NAV2: variants seen among roughly 807,000 people sequenced by gnomAD.
The protein encoded by NAV2 is helicase, APC down-regulated 1.
NAV2 carries 54 observed loss-of-function variants against 223.2 expected under a neutral mutation model. That is an observed-to-expected ratio of 0.24 (90% CI 0.19 to 0.30). NAV2 has a LOEUF of 0.30. Ranked by LOEUF, NAV2 falls within the 10% of genes least tolerant of loss-of-function variation. The probability of loss-of-function intolerance (pLI) is 1.00; values close to 1 mark genes in which losing one functional copy is unlikely to be tolerated. For missense variants in NAV2, 2,806 were observed against 3,147.5 expected (o/e 0.89, Z 2.60); for synonymous variants, 1,279 against 1,239.3 (o/e 1.03, Z -0.67).
intron 5 of NAV2, among the ~76,000 whole-genome samples, chr11:19,884,905 C>T (rs779362367): frequency 6.6e-6 from 1 of 152,110 alleles, no homozygotes; most frequent in East Asian, 1.9e-4. Flanking sequence ...AGCTATGTCT[C>T]GTCTTTGTTT....
At chr11:19,647,741 C>T (rs2047857811) in intron 1 of NAV2, among the ~76,000 whole-genome samples, 1 of 152,070 alleles carries the variant, frequency 6.6e-6, no homozygotes, top group Non-Finnish European at 1.5e-5. Context: ...GGCTTCTGAC[C>T]CACACTTTTG....
chr11:20,044,768 G>A (rs1212142505), intron 13 of NAV2, among the ~76,000 whole-genome samples, 200 bp from the exon 14 acceptor site: 2 of 152,116 alleles, frequency 1.3e-5, no homozygotes, highest in African/African-American at 4.8e-5. Context: ...AGACTGCTTT[G>A]CAAATGAGTA....
chr11:20,049,613 T>C (rs1035275890), intron 15 of NAV2, among the ~76,000 whole-genome samples: 5 of 151,962 alleles, frequency 3.3e-5, no homozygotes, highest in Non-Finnish European at 7.4e-5. Flanking sequence ...TTTGTTGTCA[T>C]TGTGGCAAAC....
intron 4 of NAV2, among the ~76,000 whole-genome samples, chr11:19,873,380 G>A (rs1454960164): frequency 2.6e-5 from 4 of 152,114 alleles, no homozygotes; most frequent in African/African-American, 9.7e-5. Context: ...AGATTTCATG[G>A]GATGAATAGA....
At chr11:19,530,881 A>G (rs573503808) in intron 1 of NAV2, among the ~76,000 whole-genome samples, 3 of 152,362 alleles carry the variant, frequency 2.0e-5, no homozygotes, top group Non-Finnish European at 2.9e-5. Context: ...GCCACGAAGT[A>G]GTATATTCAG....
intron 1 of NAV2, among the ~76,000 whole-genome samples, chr11:19,800,473 ATTC>A (rs556696203): frequency 1.8e-3 from 274 of 152,292 alleles, no homozygotes; most frequent in Middle Eastern, 3.4e-3. Context: ...ATGTAAAATA[ATTC>A]TTCTTCCCAT....
intron 11 of NAV2, among the ~76,000 whole-genome samples, chr11:19,997,557 C>G (rs1232765561): frequency 6.6e-6 from 1 of 152,174 alleles, no homozygotes; most frequent in Non-Finnish European, 1.5e-5. Flanking sequence ...ACTCTACATA[C>G]TAGCTTTAAC....
At chr11:19,548,023 T>A (rs2044561260) in intron 1 of NAV2, among the ~76,000 whole-genome samples, 1 of 152,192 alleles carries the variant, frequency 6.6e-6, no homozygotes, top group African/African-American at 2.4e-5. Flanking sequence ...ACACATCACC[T>A]AGCTGGTGAG....
intron 1 of NAV2, among the ~76,000 whole-genome samples, chr11:19,634,849 G>T (rs1487187218): frequency 6.6e-6 from 1 of 152,208 alleles, no homozygotes; most frequent in Non-Finnish European, 1.5e-5. Flanking sequence ...CAGACTGTTG[G>T]AGGATAATTA....
intron 8 of NAV2, among the ~76,000 whole-genome samples, chr11:19,944,314 C>T (rs1466799270): frequency 6.6e-6 from 1 of 152,238 alleles, no homozygotes; most frequent in African/African-American, 2.4e-5. Flanking sequence ...CAGCTCAGCT[C>T]AAATGCTGCT....
intron 1 of NAV2, among the ~76,000 whole-genome samples, chr11:19,489,873 C>G (rs1439564865): frequency 6.6e-6 from 1 of 152,188 alleles, no homozygotes; most frequent in African/African-American, 2.4e-5. Flanking sequence ...CTTCTTTATT[C>G]CACAGTCCCA....
chr11:19,614,906 T>C (rs771963657), intron 1 of NAV2, among the ~76,000 whole-genome samples: 18 of 152,234 alleles, frequency 1.2e-4, no homozygotes, highest in Admixed American at 3.9e-4. Context: ...TAAAGACCTC[T>C]CTAGCCACCA....
rs556747597 is a variant in NAV2 at position 19,408,593 on chromosome 11, T to TAG, written c.75+57567_75+57568insGA. Among the ~76,000 whole-genome samples the TAG allele has an allele frequency of 5.9e-3, 892 of 152,336 alleles. 1 individual carries two copies. The highest frequency in any genetic ancestry group is 9.0e-3 in the Non-Finnish European group (609 of 68,028). ...TGACAAAAGCAAACTGCAATATACT[T>TAG]ACGCCTGCCAGGTTCTGTGCTGAGA... On this transcript the variant is annotated intron_variant, in intron 1 of 37. Transcript: ENST00000360655.
chr11:19,940,853 A>G (rs757551806), intron 8 of NAV2, among the ~76,000 whole-genome samples: 9 of 152,146 alleles, frequency 5.9e-5, no homozygotes, highest in Non-Finnish European at 1.3e-4. Context: ...CACATTTGGG[A>G]TTGATTTTGT....
chr11:19,398,972 A>ATCCTGAGC (rs1229390198), intron 1 of NAV2, among the ~76,000 whole-genome samples: 1 of 152,166 alleles, frequency 6.6e-6, no homozygotes, highest in Non-Finnish European at 1.5e-5. Flanking sequence ...GGCTTTAATA[A>ATCCTGAGC]TCCTGAGCTT....
Position 19,836,678 on chromosome 11 carries a change from T to C in NAV2, c.385+4077T>C, listed in dbSNP as rs565586542. Among the ~76,000 whole-genome samples, 19 of 152,292 alleles carry C rather than the reference T, an allele frequency of 1.2e-4. No homozygotes were observed. The South Asian group carries it at 2.7e-3, about 22-fold the overall frequency. On this transcript the variant is annotated intron_variant, in intron 2 of 37. Transcript: ENST00000349880. The stretch of plus-strand genomic sequence containing the variant: ...GGCAGCTTACTACCTTTTCAGGCAC[T>C]AGTTCTAATGGTGAAGAGTTGGAAT...
At chr11:20,078,532 C>G (rs1044653262) in intron 24 of NAV2, among the ~76,000 whole-genome samples, 3 of 152,140 alleles carry the variant, frequency 2.0e-5, no homozygotes, top group Non-Finnish European at 4.4e-5. Flanking sequence ...AATCTTGGCT[C>G]ACTGCAACCT....
chr11:20,116,654 T>C (rs571180036), intron 37 of NAV2, among the ~76,000 whole-genome samples: 1 of 152,322 alleles, frequency 6.6e-6, no homozygotes, highest in East Asian at 1.9e-4. Flanking sequence ...AGAAGGTGTG[T>C]AGGTAAGACC....
At chr11:19,565,406 A>G (rs1052452296) in intron 1 of NAV2, among the ~76,000 whole-genome samples, 1 of 152,182 alleles carries the variant, frequency 6.6e-6, no homozygotes, top group African/African-American at 2.4e-5. Flanking sequence ...CTCTTCATCC[A>G]AGAGTCCTTT....
Sources: allele counts gnomAD v4.1 joint callset (sites outside exome capture counted in the v4.1 genomes callset), GRCh38; gene constraint gnomAD v4.1.1; transcripts MANE v1.5; gene names NCBI Gene and HGNC (gene_info 2026-07-23, HGNC 2026-07-21).